The following PCCA variants were observed in gnomAD, a reference collection of about 807,000 sequenced individuals.
The protein encoded by PCCA is propionyl-CoA carboxylase subunit alpha.
In PCCA, 74 loss-of-function variants were observed where a neutral mutation model predicts 101.3. The ratio of observed to expected loss-of-function variants is 0.73; its 90% confidence interval spans 0.61 to 0.89. PCCA has a LOEUF of 0.89. PCCA is among the 40% of genes least tolerant of loss of function. The probability of loss-of-function intolerance (pLI) is 0.00; values close to 1 mark genes in which losing one functional copy is unlikely to be tolerated. For synonymous variants in PCCA, 294 were observed against 313.6 expected (o/e 0.94, Z 0.66); for missense variants, 891 against 907.0 (o/e 0.98, Z 0.23).
intron 10 of PCCA, among the ~76,000 whole-genome samples, chr13:100,265,113 G>A (rs1277298016): frequency 2.0e-5 from 3 of 152,144 alleles, no homozygotes; most frequent in Non-Finnish European, 4.4e-5. Flanking sequence ...TATGTATAGT[G>A]TATCCTTCTC....
At chr13:100,256,853 T>C (rs957101880) in intron 8 of PCCA, among the ~76,000 whole-genome samples, 1 of 152,248 alleles carries the variant, frequency 6.6e-6, no homozygotes, top group Non-Finnish European at 1.5e-5. Context: ...TGATAAATCG[T>C]TGTAAATGAC....
At chr13:100,155,489 A>G (rs2053784808) in intron 5 of PCCA, among the ~76,000 whole-genome samples, 2 of 152,266 alleles carry the variant, frequency 1.3e-5, no homozygotes, top group African/African-American at 4.8e-5. Context: ...TTTAAAAATT[A>G]CTTATACCTA....
At chr13:100,193,932 G>C (rs938999937) in intron 6 of PCCA, among the ~76,000 whole-genome samples, 1 of 151,990 alleles carries the variant, frequency 6.6e-6, no homozygotes, top group Non-Finnish European at 1.5e-5. Context: ...TTATCCTGGC[G>C]TGGTAGCGGG....
intron 7 of PCCA, among the ~76,000 whole-genome samples, chr13:100,227,032 C>A (rs2060184291): frequency 1.3e-5 from 2 of 152,200 alleles, no homozygotes. Flanking sequence ...GAGACGAAGT[C>A]TTGCTCTGTC....
intron 16 of PCCA, among the ~76,000 whole-genome samples, chr13:100,326,878 T>G (rs960315327): frequency 6.6e-6 from 1 of 152,188 alleles, no homozygotes; most frequent in African/African-American, 2.4e-5. Context: ...CAGCAAGGGT[T>G]TCAGTCAACA....
chr13:100,437,550 T>TTA (rs2080032210), intron 20 of PCCA, among the ~76,000 whole-genome samples: 1 of 152,014 alleles, frequency 6.6e-6, no homozygotes, highest in Middle Eastern at 3.4e-3. Context: ...TTTTTTTTTT[T>TTA]ACCAGTGTTT....
At chr13:100,217,866 G>A (rs1165856805) in intron 7 of PCCA, among the ~76,000 whole-genome samples, 3 of 149,854 alleles carry the variant, frequency 2.0e-5, no homozygotes, top group Non-Finnish European at 4.4e-5. Context: ...CTGAGGTCAG[G>A]AGTTCAAGAC....
At chr13:100,426,258 T>C (rs551429260) in intron 20 of PCCA, among the ~76,000 whole-genome samples, 1 of 152,186 alleles carries the variant, frequency 6.6e-6, no homozygotes, top group South Asian at 2.1e-4. Flanking sequence ...CGATAGAACA[T>C]TTTTTGTAAC....
At chr13:100,415,232 A>C (rs1595814733) in intron 19 of PCCA, among the ~76,000 whole-genome samples, 2 of 92,088 alleles carry the variant, frequency 2.2e-5, no homozygotes, top group Admixed American at 1.2e-4. Context: ...GTGAGACCAC[A>C]CCTCTACAAA....
At chr13:100,186,236 C>T (rs2057255764) in intron 6 of PCCA, among the ~76,000 whole-genome samples, 1 of 151,972 alleles carries the variant, frequency 6.6e-6, no homozygotes, top group Non-Finnish European at 1.5e-5. Flanking sequence ...TTTAGTTAGA[C>T]AAAAATGGAC....
intron 20 of PCCA, 150 bp from the exon 21 acceptor site, chr13:100,449,102 A>G (rs1475459988): frequency 1.9e-6 from 1 of 536,918 alleles, no homozygotes; most frequent in Non-Finnish European, 3.3e-6. Context: ...ATTCCTTTTT[A>G]TGGCCAAATA....
intron 12 of PCCA, among the ~76,000 whole-genome samples, chr13:100,298,279 A>G (rs1006082556): frequency 6.6e-6 from 1 of 152,126 alleles, no homozygotes; most frequent in Non-Finnish European, 1.5e-5. Flanking sequence ...TACTTTGCAA[A>G]AGGAGGAGGA....
intron 6 of PCCA, among the ~76,000 whole-genome samples, chr13:100,199,992 C>T (rs984161198): frequency 4.6e-5 from 7 of 152,158 alleles, no homozygotes; most frequent in South Asian, 2.1e-4. Context: ...AGTTGACTCA[C>T]GGGTCTTTTT....
intron 18 of PCCA, among the ~76,000 whole-genome samples, chr13:100,343,376 T>C (rs1379428255): frequency 6.6e-6 from 1 of 152,156 alleles, no homozygotes; most frequent in Non-Finnish European, 1.5e-5. Context: ...TAGAATAATA[T>C]GCATCAAGTA....
chr13:100,150,491 CGGT>C, intron 4 of PCCA: 2 of 1,253,952 alleles, frequency 1.6e-6, no homozygotes, highest in Non-Finnish European at 2.1e-6. Context: ...TTAGCGGTAA[CGGT>C]GGAGCGGGAG....
intron 6 of PCCA, among the ~76,000 whole-genome samples, chr13:100,176,346 T>C (rs920703054): frequency 6.6e-6 from 1 of 152,200 alleles, no homozygotes; most frequent in African/African-American, 2.4e-5. Context: ...ACTTCATGCA[T>C]AGATGGTGTA....
At chr13:100,111,404 A>C (rs1170139655) in intron 2 of PCCA, among the ~76,000 whole-genome samples, 3 of 151,426 alleles carry the variant, frequency 2.0e-5, no homozygotes, top group Non-Finnish European at 4.4e-5. Flanking sequence ...CTCGTGATCC[A>C]CCTGCCTTGG....
chr13:100,283,884 A>G (rs533227455), intron 12 of PCCA, among the ~76,000 whole-genome samples: 2 of 152,326 alleles, frequency 1.3e-5, no homozygotes, highest in African/African-American at 4.8e-5. Context: ...GTCCATGTCC[A>G]CTATGCCGAG....
intron 21 of PCCA, among the ~76,000 whole-genome samples, chr13:100,470,775 C>G (rs1223823974): frequency 2.0e-5 from 3 of 152,202 alleles, no homozygotes; most frequent in South Asian, 4.1e-4. Flanking sequence ...GGGAGAATCG[C>G]TTGAACCCGG....
Sources: allele counts gnomAD v4.1 joint callset (sites outside exome capture counted in the v4.1 genomes callset), GRCh38; gene constraint gnomAD v4.1.1; transcripts MANE v1.5; gene names NCBI Gene and HGNC (gene_info 2026-07-23, HGNC 2026-07-21).